The following CCSER1 variants were observed in gnomAD, a reference collection of about 807,000 sequenced individuals.
CCSER1 encodes the protein coiled-coil serine rich protein 1, also known as serine-rich coiled-coil domain-containing protein 1.
A neutral mutation model predicts 82.0 loss-of-function variants in CCSER1; 41 were observed. The ratio of observed to expected loss-of-function variants is 0.50; its 90% CI spans 0.39 to 0.65. CCSER1 has a LOEUF of 0.65. Ranked by LOEUF, CCSER1 falls within the 30% of genes least tolerant of loss-of-function variation. The pLI is 0.00. For missense variants in CCSER1, 1,119 were observed against 1,064.2 expected (o/e 1.05, Z -0.72); for synonymous variants, 414 against 383.9 (o/e 1.08, Z -0.92).
chr4:90,927,263 G>C lies in CCSER1; in HGVS notation c.2172+3816G>C, dbSNP rs1240876892. Among the ~76,000 whole-genome samples, 3 of 151,960 alleles carry C rather than the reference G, an allele frequency of 2.0e-5. No homozygotes were observed. In the East Asian group the frequency reaches 5.8e-4, roughly 29 times the overall value. On this transcript the variant is annotated intron_variant, in intron 9 of 10. Transcript: ENST00000509176. The stretch of plus-strand genomic sequence containing the variant: ...TCAGAGGATTTAAAAATTTCTCTGA[G>C]CCACAAATGCACTAAAGTTTTAAGT...
chr4:90,404,385 C>A (rs1385812838), intron 4 of CCSER1, among the ~76,000 whole-genome samples: 1 of 152,128 alleles, frequency 6.6e-6, no homozygotes, highest in African/African-American at 2.4e-5. Context: ...CTCTACCCTC[C>A]CTGGTGGCCT....
At chr4:91,178,768 A>G (rs1012259839) in intron 10 of CCSER1, among the ~76,000 whole-genome samples, 1 of 151,948 alleles carries the variant, frequency 6.6e-6, no homozygotes, top group African/African-American at 2.4e-5. Context: ...CTAATTTGCC[A>G]GTCTGTTTCT....
intron 10 of CCSER1, among the ~76,000 whole-genome samples, chr4:91,211,446 A>G (rs1736817048): frequency 6.6e-6 from 1 of 152,080 alleles, no homozygotes; most frequent in Admixed American, 6.6e-5. Flanking sequence ...CTCTTCTGGT[A>G]TTACTGCTTT....
chr4:90,598,969 C>T (rs1187171411), intron 5 of CCSER1, among the ~76,000 whole-genome samples: 4 of 152,166 alleles, frequency 2.6e-5, no homozygotes, highest in African/African-American at 7.2e-5. Flanking sequence ...GCCATTAGAA[C>T]ATAATGCACT....
At position 90,681,697 on chromosome 4, in the gene CCSER1, C is replaced by T. The variant is rs1579891758; in HGVS notation, c.1933-42217C>T. ...ATGCAGAAATCACCGTCTTCTGCGT[C>T]GCTCACGCTGGGAGCTGTAGACCGG... On this transcript the variant is annotated intron_variant, in intron 6 of 10. Transcript: ENST00000509176. Among the ~76,000 whole-genome samples the T allele has an allele frequency of 9.8e-4, 2 of 2,042 alleles. 1 individual carries two copies. Among genetic ancestry groups the T allele is most frequent in the Non-Finnish European group, 2.3e-3 (2 of 884 alleles). The allele number at this position is 2,042 out of a possible 152,430, so 1.3% of individuals were successfully genotyped here. A position where few individuals can be genotyped will look rare whatever the true frequency, so the allele number is the denominator to read the frequency against.
chr4:90,291,543 A>G (rs1242592965), intron 1 of CCSER1, among the ~76,000 whole-genome samples: 1 of 151,976 alleles, frequency 6.6e-6, no homozygotes, highest in Non-Finnish European at 1.5e-5. Context: ...GTATAAACCC[A>G]ATATAGTTTA....
intron 3 of CCSER1, among the ~76,000 whole-genome samples, chr4:90,333,356 C>G (rs1222747012): frequency 6.6e-6 from 1 of 151,874 alleles, no homozygotes; most frequent in East Asian, 1.9e-4. Flanking sequence ...TGGAAAAGAA[C>G]ATAGCACTAA....
At chr4:90,164,313 T>C (rs1179285838) in intron 1 of CCSER1, among the ~76,000 whole-genome samples, 7 of 151,982 alleles carry the variant, frequency 4.6e-5, no homozygotes, top group African/African-American at 1.7e-4. Context: ...TATCGCAGAA[T>C]TGATTTTAGA....
chr4:90,525,006 A>G (rs115367267), intron 5 of CCSER1, among the ~76,000 whole-genome samples: 2,665 of 152,266 alleles, frequency 0.018, 82 homozygotes, highest in African/African-American at 0.061. Flanking sequence ...CAATCTTACA[A>G]TAAGACCATT....
chr4:90,181,440 G>C (rs941094219), intron 1 of CCSER1, among the ~76,000 whole-genome samples: 1 of 152,092 alleles, frequency 6.6e-6, no homozygotes, highest in Non-Finnish European at 1.5e-5. Context: ...AGACAAAAAG[G>C]CATCAGTATT....
chr4:91,275,293 ATC>A (rs1157244874), intron 10 of CCSER1, among the ~76,000 whole-genome samples: 2 of 147,578 alleles, frequency 1.4e-5, no homozygotes, highest in African/African-American at 5.1e-5. Context: ...CCTTGCCAGC[ATC>A]TGTTTTTTTT....
chr4:91,283,850 A>C (rs543412431), intron 10 of CCSER1, among the ~76,000 whole-genome samples: 268 of 152,166 alleles, frequency 1.8e-3, no homozygotes, highest in Middle Eastern at 0.01. Flanking sequence ...CTCGCAGGCA[A>C]TTATGTGAGT....
intron 5 of CCSER1, among the ~76,000 whole-genome samples, chr4:90,488,492 C>T (rs1458401463): frequency 2.0e-5 from 3 of 152,062 alleles, no homozygotes; most frequent in African/African-American, 7.2e-5. Flanking sequence ...CAGGCGACGT[C>T]CTCTCTATTT....
intron 1 of CCSER1, among the ~76,000 whole-genome samples, chr4:90,303,070 G>A (rs1288790243): frequency 6.6e-6 from 1 of 151,904 alleles, no homozygotes; most frequent in Non-Finnish European, 1.5e-5. Flanking sequence ...GACATGTGAA[G>A]GATATTTACC....
chr4:90,780,753 G>A (rs1363759165), intron 7 of CCSER1: 2 of 1,216,764 alleles, frequency 1.6e-6, no homozygotes, highest in East Asian at 3.8e-5. Flanking sequence ...TATTAAAATG[G>A]TTTGTAAAGG....
intron 7 of CCSER1, among the ~76,000 whole-genome samples, chr4:90,742,741 A>T (rs1314553360): frequency 6.6e-6 from 1 of 152,184 alleles, no homozygotes; most frequent in Non-Finnish European, 1.5e-5. Flanking sequence ...TTCTTTGGAA[A>T]TGACTGTTTT....
At chr4:90,932,421 A>G (rs901798581) in intron 9 of CCSER1, among the ~76,000 whole-genome samples, 1 of 152,198 alleles carries the variant, frequency 6.6e-6, no homozygotes, top group African/African-American at 2.4e-5. Context: ...AAACAGGTTT[A>G]GCATTTTGTT....
chr4:90,572,096 T>C (rs1219520697), intron 5 of CCSER1, among the ~76,000 whole-genome samples: 1 of 152,206 alleles, frequency 6.6e-6, no homozygotes, highest in East Asian at 1.9e-4. Flanking sequence ...TTGTTTGTAC[T>C]TCATTTCTGA....
At chr4:91,386,864 CAA>C in intron 10 of CCSER1, among the ~76,000 whole-genome samples, 1 of 151,624 alleles carries the variant, frequency 6.6e-6, no homozygotes, top group South Asian at 2.1e-4. Context: ...ATTAAGGAAA[CAA>C]AAAAGATGCA....
Sources: gnomAD v4.1 joint callset for allele counts (sites outside exome capture counted in the v4.1 genomes callset) on GRCh38, gnomAD v4.1.1 for gene constraint, MANE v1.5 for transcripts, NCBI Gene and HGNC (gene_info 2026-07-23, HGNC 2026-07-21) for gene names.